DAZAP2: variants seen among roughly 807,000 people sequenced by gnomAD.
DAZAP2 encodes DAZ associated protein 2.
A neutral mutation model predicts 16.2 loss-of-function variants in DAZAP2; 3 were observed. The observed-to-expected ratio is 0.19, with a 90% confidence interval of 0.08 to 0.48. DAZAP2 has a LOEUF of 0.48. DAZAP2 is among the 20% of genes least tolerant of loss of function. The probability of loss-of-function intolerance (pLI) is 0.98; values close to 1 mark genes in which losing one functional copy is unlikely to be tolerated. For missense variants in DAZAP2, 172 were observed against 215.9 expected (o/e 0.80, Z 1.27); for synonymous variants, 69 against 77.6 (o/e 0.89, Z 0.58).
chr12:51,243,362 AAG>A lies in DAZAP2; in HGVS notation c.*907_*908del. ...TGATTGATGTGTTCAGAGCTAAATT[AAG>A]AGGAGTTTTCAGATCAAAAACTGGT... On this transcript the variant is annotated 3_prime_UTR_variant, in exon 4 of 4. Coordinates refer to ENST00000412716, the MANE Select transcript of DAZAP2 (RefSeq NM_014764.4). 1.0e-6 allele frequency: 1 copy of A among 985,764 alleles called. No individual in the cohort carries two copies. The highest frequency in any genetic ancestry group is 1.2e-6 in the Non-Finnish European group (1 of 829,934). 61.1% of individuals were successfully genotyped at this position (985,764 alleles called of 1,614,324 possible).
intron 3 of DAZAP2, among the ~76,000 whole-genome samples, 174 bp downstream of exon 3, chr12:51,241,290 T>A (rs1234177100): frequency 6.6e-6 from 1 of 152,142 alleles, no homozygotes; most frequent in Admixed American, 6.5e-5. Context: ...GGCAAGTGAG[T>A]AGCATCTCAC....
At chr12:51,241,772 T>G (rs771327382) in intron 3 of DAZAP2, among the ~76,000 whole-genome samples, 25 of 151,942 alleles carry the variant, frequency 1.6e-4, no homozygotes, top group Non-Finnish European at 3.1e-4. Context: ...AATACAAAAA[T>G]TAGCCGGGCA....
chr12:51,245,870 A>T, downstream of DAZAP2: 1 of 1,515,884 alleles, frequency 6.6e-7, no homozygotes, highest in Non-Finnish European at 8.9e-7. Flanking sequence ...TTCAGAGAAA[A>T]CTTTCCCATA....
In DAZAP2 at chr12:51,241,071, T is replaced by A. The variant is rs768554866; in HGVS notation, c.333T>A (p.Asp111Glu). 5 of 1,614,240 alleles carry A rather than the reference T, an allele frequency of 3.1e-6. No homozygotes were observed. Among genetic ancestry groups the A allele is most frequent in the Non-Finnish European group, 4.2e-6 (5 of 1,180,052 alleles). Residue 111 changes from aspartate to glutamate, a missense_variant, in exon 3 of 4, where the codon GAT becomes GAA. Physicochemically the swap from Asp to Glu is conservative, Grantham distance 45. Coordinates refer to ENST00000412716, the MANE Select transcript of DAZAP2 (RefSeq NM_014764.4). ...GSTVLVEGGYDAGARFGAGAT... is the reference protein window; with the variant it reads ...GSTVLVEGGYEAGARFGAGAT... ...CAGTGCTGGTGGAAGGAGGGTATGA[T>A]GCAGGTGCCAGATTTGGAGCTGGGG...
At position 51,242,957 on chromosome 12, in the gene DAZAP2, A is replaced by C; in HGVS notation, c.*499A>C. On this transcript the variant is annotated 3_prime_UTR_variant, in exon 4 of 4. Transcript: ENST00000412716. ...CCCCACCCATCCCATCTCCAACCCT[A>C]GTCTTCCATTTCCTCCCGCCAGTCT... is the stretch of plus-strand genomic sequence containing the variant. 4 of 1,077,388 alleles carry C rather than the reference A, an allele frequency of 3.7e-6. No homozygotes were observed. Among genetic ancestry groups the C allele is most frequent in the Non-Finnish European group, 4.5e-6 (4 of 888,958 alleles). 66.7% of individuals were successfully genotyped at this position (1,077,388 alleles called of 1,614,324 possible). A position where few individuals can be genotyped will look rare whatever the true frequency, so the allele number is the denominator to read the frequency against.
chr12:51,240,436 C>T lies in DAZAP2; in HGVS notation c.107C>T (p.Thr36Ile). ...CATCTTCCTCAGGCTCCACCCTATACCGATGCTCCACCTGCCTACTCAGAG... is the reference window on the plus strand; with the variant it reads ...CATCTTCCTCAGGCTCCACCCTATATCGATGCTCCACCTGCCTACTCAGAG... ...TLHLPQAPPYTDAPPAYSELY... is the reference protein window; with the variant it reads ...TLHLPQAPPYIDAPPAYSELY... The change falls in exon 2 of 4, where the codon ACC (threonine) becomes ATC (isoleucine). Residue 36 changes from threonine (T) to isoleucine (I), a missense_variant. Coordinates refer to ENST00000412716, the MANE Select transcript of DAZAP2 (RefSeq NM_014764.4). 1 of 1,614,074 alleles carries T rather than the reference C, an allele frequency of 6.2e-7. No homozygotes were observed. Among genetic ancestry groups the T allele is most frequent in the Non-Finnish European group, 8.5e-7 (1 of 1,179,956 alleles).
Position 51,242,985 on chromosome 12 carries a change from A to G in DAZAP2, c.*527A>G, listed in dbSNP as rs1944706708. On this transcript the variant is annotated 3_prime_UTR_variant, in exon 4 of 4. Transcript: ENST00000412716. The stretch of plus-strand genomic sequence containing the variant: ...CTTCCATTTCCTCCCGCCAGTCTCC[A>G]TTGAATCAATGGTGCAGGACAGAAA... 12 of 1,060,332 alleles carry G rather than the reference A, an allele frequency of 1.1e-5. No homozygotes were observed. Among genetic ancestry groups the G allele is most frequent in the Non-Finnish European group, 1.4e-5 (12 of 877,580 alleles). 65.7% of individuals were successfully genotyped at this position (1,060,332 alleles called of 1,614,324 possible).
rs1256241552 is a variant in DAZAP2, at chr12:51,241,036, C to A, written c.298C>A (p.Pro100Thr). 1 of 1,614,070 alleles carries A rather than the reference C, an allele frequency of 6.2e-7. No homozygotes were observed. Among genetic ancestry groups the A allele is most frequent in the Non-Finnish European group, 8.5e-7 (1 of 1,180,048 alleles). Residue 100 changes from proline to threonine, a missense_variant, in exon 3 of 4, where the codon CCT becomes ACT. Transcript: ENST00000412716. ...AYYPVGPIYPPGSTVLVEGGY... is the reference protein window; with the variant it reads ...AYYPVGPIYPTGSTVLVEGGY... Reference sequence around the variant, plus strand: ...TTATCCAGTCGGTCCCATCTATCCACCTGGCTCCACAGTGCTGGTGGAAGG... The same window carrying A: ...TTATCCAGTCGGTCCCATCTATCCAACTGGCTCCACAGTGCTGGTGGAAGG...
downstream of DAZAP2, chr12:51,246,373 G>A: frequency 2.0e-6 from 1 of 498,028 alleles, no homozygotes. Flanking sequence ...TCCCAAACCA[G>A]TTCCTGATTC....
At chr12:51,240,621 G>A (rs1324012249) in intron 2 of DAZAP2, 160 bp downstream of exon 2, 2 of 851,152 alleles carry the variant, frequency 2.3e-6, no homozygotes, top group African/African-American at 3.4e-5. Flanking sequence ...AGTTGAAAGT[G>A]CATTATTTGA....
At chr12:51,245,696 G>A (rs1944758735), downstream of DAZAP2, 2 of 463,122 alleles carry the variant, frequency 4.3e-6, no homozygotes, top group African/African-American at 3.8e-5. Context: ...GCCACATCTT[G>A]TTGGCCAGTC....
At chr12:51,246,604 C>CTGTGTG (rs59561227), downstream of DAZAP2, 29,092 of 337,216 alleles carry the variant, frequency 0.086, 1,048 homozygotes, top group Admixed American at 0.16. Flanking sequence ...TCTTTTATGG[C>CTGTGTG]TGTGTGTGTG....
At chr12:51,245,904 T>A (rs368165440), downstream of DAZAP2, 1 of 1,590,658 alleles carries the variant, frequency 6.3e-7, no homozygotes, top group Non-Finnish European at 8.6e-7. Context: ...GTGTTAGCGA[T>A]GGAGCCAGGA....
At chr12:51,246,073 C>T, downstream of DAZAP2, 1 of 1,613,868 alleles carries the variant, frequency 6.2e-7, no homozygotes, top group Non-Finnish European at 8.5e-7. Flanking sequence ...AAAAGAAGAT[C>T]AAGATCACGA....
downstream of DAZAP2, chr12:51,245,794 G>T (rs951128486): frequency 1.2e-6 from 1 of 822,818 alleles, no homozygotes; most frequent in African/African-American, 1.7e-5. Context: ...CAGTGATGTC[G>T]GCATTTGGGA....
chr12:51,239,015 G>A (rs938094595), intron 1 of DAZAP2, 95 bp downstream of exon 1: 115 of 1,549,332 alleles, frequency 7.4e-5, no homozygotes, highest in Middle Eastern at 1.9e-4. Flanking sequence ...CCAGGTTTGG[G>A]GTGGGCTGCG....
At chr12:51,244,411 T>A (rs1944736981), downstream of DAZAP2, 1 of 152,216 alleles carries the variant, frequency 6.6e-6, no homozygotes, top group Non-Finnish European at 1.5e-5. Context: ...GCCACGCTGG[T>A]CTCAAACTCC....
chr12:51,239,116 T>G (rs1944611487), intron 1 of DAZAP2, 196 bp downstream of exon 1: 2 of 749,076 alleles, frequency 2.7e-6, no homozygotes, highest in South Asian at 3.8e-5. Flanking sequence ...CCAGGCCCTT[T>G]CCTCCGTAAA....
chr12:51,246,332 T>C (rs762819095), downstream of DAZAP2: 1 of 603,176 alleles, frequency 1.7e-6, no homozygotes, highest in Admixed American at 3.3e-5. Flanking sequence ...TAAGGACACA[T>C]GCTTTTGATT....
Sources: gnomAD v4.1 joint callset for allele counts (sites outside exome capture counted in the v4.1 genomes callset) on GRCh38, gnomAD v4.1.1 for gene constraint, MANE v1.5 for transcripts, NCBI Gene and HGNC (gene_info 2026-07-23, HGNC 2026-07-21) for gene names.